Variants in CPVL observed in about 807,000 individuals in gnomAD.
CPVL encodes carboxypeptidase vitellogenic like.
CPVL carries 51 observed loss-of-function variants against 63.7 expected under a neutral mutation model. That is an observed-to-expected ratio of 0.80 (90% confidence interval 0.64 to 1.01). CPVL has a LOEUF of 1.01. Among genes scored for constraint, CPVL ranks in the 50% least tolerant of loss-of-function variants. CPVL has a pLI of 0.00. For synonymous variants in CPVL, 195 were observed against 206.0 expected, an observed-to-expected ratio of 0.95 and a Z score of 0.46; for missense variants, 530 against 573.1, an observed-to-expected ratio of 0.92 and a Z score of 0.77.
At chr7:29,103,312 CT>C (rs1787393659) in intron 3 of CPVL, among the ~76,000 whole-genome samples, 1 of 143,666 alleles carries the variant, frequency 7.0e-6, no homozygotes. Flanking sequence ...ATAGCGTGAT[CT>C]CAGTTCACTG....
intron 5 of CPVL, among the ~76,000 whole-genome samples, chr7:29,167,526 T>C (rs183662597): frequency 3.9e-5 from 6 of 152,194 alleles, no homozygotes; most frequent in Admixed American, 3.3e-4. Flanking sequence ...AAAGTATGTA[T>C]CTTAGAGTGG....
intron 12 of CPVL, among the ~76,000 whole-genome samples, chr7:29,023,425 G>A (rs1310588496): frequency 6.6e-6 from 1 of 152,098 alleles, no homozygotes; most frequent in Non-Finnish European, 1.5e-5. Context: ...GAATAGCACA[G>A]GAAAGACCTG....
At chr7:29,087,169 T>C (rs1243005149) in intron 6 of CPVL, among the ~76,000 whole-genome samples, 1 of 152,090 alleles carries the variant, frequency 6.6e-6, no homozygotes, top group Non-Finnish European at 1.5e-5. Flanking sequence ...CTCATGCCTA[T>C]AATACCAGGA....
chr7:29,120,486 A>T (rs1241531725), intron 2 of CPVL, among the ~76,000 whole-genome samples: 1 of 152,104 alleles, frequency 6.6e-6, no homozygotes, highest in Non-Finnish European at 1.5e-5. Flanking sequence ...CAACTGAGTA[A>T]AAATACTGAA....
intron 11 of CPVL, among the ~76,000 whole-genome samples, chr7:29,040,167 C>T (rs1240045180): frequency 6.6e-6 from 1 of 152,156 alleles, no homozygotes; most frequent in Non-Finnish European, 1.5e-5. Context: ...CCTCTTCTGG[C>T]TGCTTTACTT....
At chr7:29,103,933 A>C (rs2128621417) in intron 3 of CPVL, among the ~76,000 whole-genome samples, 1 of 152,306 alleles carries the variant, frequency 6.6e-6, no homozygotes, top group South Asian at 2.1e-4. Flanking sequence ...AATGTCTTTA[A>C]ATTCCCACAA....
intron 11 of CPVL, among the ~76,000 whole-genome samples, chr7:29,043,203 G>A (rs779428620): frequency 1.1e-4 from 16 of 151,612 alleles, no homozygotes; most frequent in African/African-American, 1.5e-4. Context: ...CATAAAAGAA[G>A]GCAAGTGCCT....
At chr7:29,123,873 G>A (rs1235899305) in intron 1 of CPVL, among the ~76,000 whole-genome samples, 3 of 151,376 alleles carry the variant, frequency 2.0e-5, no homozygotes, top group Non-Finnish European at 4.4e-5. Flanking sequence ...ACTCAAAGAT[G>A]TTAAAAAAGG....
intron 3 of CPVL, among the ~76,000 whole-genome samples, chr7:29,109,090 T>C (rs1368030117): frequency 2.6e-5 from 4 of 152,218 alleles, no homozygotes; most frequent in African/African-American, 7.2e-5. Context: ...AAATGCACAG[T>C]GCCTAGCACA....
At chr7:29,074,169 C>G (rs935556430) in intron 7 of CPVL, among the ~76,000 whole-genome samples, 1 of 152,180 alleles carries the variant, frequency 6.6e-6, no homozygotes, top group African/African-American at 2.4e-5. Context: ...TAAACTCCTT[C>G]CAAGCAATGA....
At chr7:29,174,921 G>C (rs1474400531) in intron 5 of CPVL, among the ~76,000 whole-genome samples, 1 of 150,244 alleles carries the variant, frequency 6.7e-6, no homozygotes, top group Non-Finnish European at 1.5e-5. Flanking sequence ...AAGAGAGAGA[G>C]ACACAAAATA....
intron 12 of CPVL, among the ~76,000 whole-genome samples, chr7:29,021,788 G>A (rs372578203): frequency 7.0e-4 from 107 of 151,920 alleles, no homozygotes; most frequent in Non-Finnish European, 1.1e-3. Flanking sequence ...GTGCCATTTT[G>A]AGAGGCCGGC....
At chr7:29,005,324 T>C (rs1373238186) in intron 12 of CPVL, among the ~76,000 whole-genome samples, 1 of 152,110 alleles carries the variant, frequency 6.6e-6, no homozygotes, top group Non-Finnish European at 1.5e-5. Context: ...CTTTAAGAAG[T>C]GAAGAGGAGA....
At chr7:29,076,658 G>C (rs1395730944) in intron 7 of CPVL, among the ~76,000 whole-genome samples, 1 of 152,112 alleles carries the variant, frequency 6.6e-6, no homozygotes, top group African/African-American at 2.4e-5. Context: ...GCTCTTACTT[G>C]GTTAATTTTT....
At chr7:29,170,099 T>G (rs1251909578) in intron 5 of CPVL, among the ~76,000 whole-genome samples, 1 of 151,988 alleles carries the variant, frequency 6.6e-6, no homozygotes, top group Non-Finnish European at 1.5e-5. Flanking sequence ...CTCCCAGACT[T>G]CTAGCAGAAG....
chr7:29,194,372 C>T (rs1584681724), intron 1 of CPVL: 1 of 152,462 alleles, frequency 6.6e-6, no homozygotes, highest in East Asian at 1.9e-4. Context: ...CTGTCAAGCC[C>T]GCAGCAGCCG....
intron 12 of CPVL, among the ~76,000 whole-genome samples, chr7:29,003,907 G>A (rs747463364): frequency 6.6e-6 from 1 of 152,160 alleles, no homozygotes; most frequent in Non-Finnish European, 1.5e-5. Flanking sequence ...TTTGACAGGA[G>A]GCGGAGCTCA....
chr7:29,146,417 G>C lies in CPVL; in HGVS notation c.-11+12C>G. Reference sequence around the variant, plus strand: ...GAGCTGGCACGACCCACGCAGGGCAGGCGGCACTTACGCGGCGCAGTCGGT... The same window carrying C: ...GAGCTGGCACGACCCACGCAGGGCACGCGGCACTTACGCGGCGCAGTCGGT... On this transcript the variant is annotated intron_variant, in intron 1 of 12. Coordinates refer to ENST00000265394, the MANE Select transcript of CPVL (RefSeq NM_031311.5). 2.0e-5 allele frequency: 21 copies of C among 1,043,976 alleles called. No homozygotes were observed. The highest frequency in any genetic ancestry group is 2.8e-5 in the Non-Finnish European group (21 of 746,350). The allele number at this position is 1,043,976 out of a possible 1,614,324, so 64.7% of individuals were successfully genotyped here. A position where few individuals can be genotyped will look rare whatever the true frequency, so the allele number is the denominator to read the frequency against.
intron 1 of CPVL, among the ~76,000 whole-genome samples, chr7:29,188,170 C>A (rs1008692829): frequency 6.6e-6 from 1 of 152,152 alleles, no homozygotes; most frequent in Non-Finnish European, 1.5e-5. Context: ...GGAACAGAGG[C>A]CACCTAGAGT....
Sources: gnomAD v4.1 joint callset for allele counts (sites outside exome capture counted in the v4.1 genomes callset) on GRCh38, gnomAD v4.1.1 for gene constraint, MANE v1.5 for transcripts, NCBI Gene and HGNC (gene_info 2026-07-23, HGNC 2026-07-21) for gene names.